SCP2: variants seen among roughly 807,000 people sequenced by gnomAD.
SCP2 encodes sterol carrier protein 2.
SCP2 carries 48 observed loss-of-function variants against 71.4 expected under a neutral mutation model. The ratio of observed to expected loss-of-function variants is 0.67; its 90% CI spans 0.53 to 0.86. The LOEUF is 0.86. Among genes scored for constraint, SCP2 ranks in the 40% least tolerant of loss-of-function variants. The pLI is 0.00. For missense variants in SCP2, 560 were observed against 655.6 expected, an observed-to-expected ratio of 0.85 and a Z score of 1.59; for synonymous variants, 220 against 218.1, an observed-to-expected ratio of 1.01 and a Z score of -0.08.
chr1:52,960,602 G>GTATGTATA (rs752856097), intron 5 of SCP2, among the ~76,000 whole-genome samples: 1 of 141,482 alleles, frequency 7.1e-6, no homozygotes, highest in Non-Finnish European at 1.5e-5. Flanking sequence ...ATGTATATAT[G>GTATGTATA]TATGTATATA....
intron 14 of SCP2, among the ~76,000 whole-genome samples, chr1:53,039,914 A>G (rs1158531278): frequency 6.6e-6 from 1 of 152,224 alleles, no homozygotes; most frequent in East Asian, 1.9e-4. Flanking sequence ...AACGTGTGAA[A>G]CTGAACTACA....
chr1:52,989,065 A>C (rs921859839), intron 11 of SCP2, among the ~76,000 whole-genome samples: 2 of 152,218 alleles, frequency 1.3e-5, no homozygotes, highest in African/African-American at 4.8e-5. Context: ...TAAGATTTTT[A>C]CAGCTGCCTA....
intron 1 of SCP2, among the ~76,000 whole-genome samples, chr1:52,930,933 G>C (rs1653093956): frequency 6.6e-6 from 1 of 151,920 alleles, no homozygotes; most frequent in Non-Finnish European, 1.5e-5. Flanking sequence ...TGCTAGAGAT[G>C]CAAAAATGAA....
At chr1:52,973,091 C>T (rs1484393638) in intron 6 of SCP2, among the ~76,000 whole-genome samples, 5 of 152,214 alleles carry the variant, frequency 3.3e-5, no homozygotes, top group Non-Finnish European at 7.3e-5. Context: ...TTCTTACTCA[C>T]TTTGTAATAG....
intron 1 of SCP2, among the ~76,000 whole-genome samples, chr1:52,934,670 T>C (rs2150099579): frequency 7.8e-6 from 1 of 128,108 alleles, no homozygotes; most frequent in South Asian, 2.8e-4. Context: ...TGGAGTGCAG[T>C]GGTGCGATCT....
chr1:52,988,574 C>A (rs1659194918), intron 11 of SCP2, among the ~76,000 whole-genome samples: 1 of 151,716 alleles, frequency 6.6e-6, no homozygotes, highest in African/African-American at 2.4e-5. Flanking sequence ...ATCACTTTAA[C>A]TTTTAATTCC....
At chr1:52,974,630 C>CTG in intron 6 of SCP2, 139 bp from the exon 7 acceptor site, 1 of 701,520 alleles carries the variant, frequency 1.4e-6, no homozygotes, top group Non-Finnish European at 2.7e-6. Context: ...GGGAACAGTG[C>CTG]TGAAGTCTTT....
chr1:53,047,765 T>C lies in SCP2; in HGVS notation c.1469-93T>C, dbSNP rs1288362. On this transcript the variant is annotated intron_variant, in intron 14 of 15. Transcript: ENST00000371514. Reference sequence around the variant, plus strand: ...CCCCACACTGCCTCAGTGCTGGTTATAATTCTGTTGCAGTCAGTGGCTCTT... The same window carrying C: ...CCCCACACTGCCTCAGTGCTGGTTACAATTCTGTTGCAGTCAGTGGCTCTT... 0.4 allele frequency: 335,958 copies of C among 847,192 alleles called. 71,600 individuals are homozygous for C. The highest frequency in any genetic ancestry group is 0.45 in the Non-Finnish European group (221,052 of 489,992). The allele number at this position is 847,192 out of a possible 1,614,324, so 52.5% of individuals were successfully genotyped here.
chr1:53,049,893 T>TA (rs909708503), intron 15 of SCP2: 2 of 152,234 alleles, frequency 1.3e-5, no homozygotes, highest in Non-Finnish European at 2.9e-5. Flanking sequence ...GCTTTTTTTT[T>TA]AAATCTAGCC....
chr1:53,037,879 T>TACACAC (rs34293671), intron 13 of SCP2, among the ~76,000 whole-genome samples: 2,323 of 84,536 alleles, frequency 0.027, 56 homozygotes, highest in Non-Finnish European at 0.035. Flanking sequence ...TGTCTCTACA[T>TACACAC]ACACACACAC....
At position 52,980,544 on chromosome 1, in the gene SCP2, G is replaced by A. The variant is rs764240911; in HGVS notation, c.973+1G>A. The A allele has an allele frequency of 6.2e-7, 1 of 1,613,448 alleles. No homozygotes were observed. Among genetic ancestry groups the A allele is most frequent in the Non-Finnish European group, 8.5e-7 (1 of 1,179,414 alleles). ...GAAGCACTGGGACTCTGTCCAGAAGGTAACATCTTTGAATAGGGCAGATTA... is the reference window on the plus strand; with the variant it reads ...GAAGCACTGGGACTCTGTCCAGAAGATAACATCTTTGAATAGGGCAGATTA... On this transcript the variant is annotated splice_donor_variant, in intron 10 of 15. Transcript: ENST00000371514. LOFTEE classifies it high-confidence loss of function.
At chr1:52,977,728 A>T (rs752099100) in intron 8 of SCP2, among the ~76,000 whole-genome samples, 54 of 152,192 alleles carry the variant, frequency 3.5e-4, no homozygotes, top group Non-Finnish European at 4.7e-4. Flanking sequence ...TGGAAGGCCG[A>T]GGCGGGCGGA....
chr1:52,988,180 C>G (rs1659165402), intron 11 of SCP2, 44 bp downstream of exon 11: 2 of 1,014,776 alleles, frequency 2.0e-6, no homozygotes, highest in Non-Finnish European at 3.1e-6. Context: ...ATCATTTTTT[C>G]CTTAAGTGTG....
rs374165089 is a variant in SCP2, at chr1:52,976,356, A to C, written c.588-327A>C. ...TCACATGGTTGGTCTTTTGGTGGTC[A>C]GTCTCCCATTTTCAAGATAACAAGG... On this transcript the variant is annotated intron_variant, in intron 7 of 15. Coordinates refer to ENST00000371514, the MANE Select transcript of SCP2 (RefSeq NM_002979.5). Among the ~76,000 whole-genome samples the C allele has an allele frequency of 1.6e-4, 24 of 152,268 alleles. No individual in the cohort carries two copies. In the South Asian group the frequency reaches 3.7e-3, roughly 24 times the overall value.
intron 2 of SCP2, among the ~76,000 whole-genome samples, chr1:52,945,702 C>CA (rs932975445): frequency 2.1e-4 from 30 of 142,362 alleles, no homozygotes; most frequent in African/African-American, 5.3e-4. Flanking sequence ...GGCTGTGTCT[C>CA]AAAAAAAAAA....
chr1:53,039,047 G>T lies in SCP2; in HGVS notation c.1468+1G>T. On this transcript the variant is annotated splice_donor_variant, in intron 14 of 15. Transcript: ENST00000371514. LOFTEE classifies it high-confidence loss of function. ...AAAGGATCAGTGCTTCCTAACTCAGGTTAGTTTGGGAATGACTTCATTCTA... is the reference window on the plus strand; with the variant it reads ...AAAGGATCAGTGCTTCCTAACTCAGTTTAGTTTGGGAATGACTTCATTCTA... 6.2e-7 allele frequency: 1 copy of T among 1,614,178 alleles called. No individual in the cohort carries two copies. Among genetic ancestry groups the T allele is most frequent in the Non-Finnish European group, 8.5e-7 (1 of 1,180,014 alleles).
rs758083858 is a variant in SCP2, at chr1:52,974,816, C to T, written c.571C>T (p.His191Tyr). The part of the protein sequence containing the change: ...FAKIGWKNHK[H>Y]SVNNPYSQFQ... ...AAAAATTGGATGGAAAAATCATAAA[C>T]ATTCAGTTAATAACCCGTAAGTATT... Residue 191 changes from histidine (H) to tyrosine (Y), a missense_variant, in exon 7 of 16, where the codon CAT (histidine) becomes TAT (tyrosine). Physicochemically the swap from His to Tyr is moderately conservative, Grantham distance 83. Around this residue, in one of 3 missense-constraint regions of SCP2, gnomAD observed 513 missense variants for 573.1 expected, o/e 0.90. Coordinates refer to ENST00000371514, the MANE Select transcript of SCP2 (RefSeq NM_002979.5). The T allele has an allele frequency of 1.9e-5, 29 of 1,521,352 alleles. No individual in the cohort carries two copies. Among genetic ancestry groups the T allele is most frequent in the Non-Finnish European group, 2.5e-5 (27 of 1,095,776 alleles). The allele number at this position is 1,521,352 out of a possible 1,614,324, so 94.2% of individuals were successfully genotyped here.
Position 52,962,436 on chromosome 1 carries a change from T to G in SCP2, c.523+807T>G, listed in dbSNP as rs367689179. Among the ~76,000 whole-genome samples, 41 of 152,230 alleles carry G rather than the reference T, an allele frequency of 2.7e-4. 1 individual carries two copies. The highest frequency in any genetic ancestry group is 8.4e-4 in the African/African-American group (35 of 41,560). On this transcript the variant is annotated intron_variant, in intron 6 of 15. Transcript: ENST00000371514. ...GCACCTCCAGAGTCAATTCTCTACT[T>G]TATAGCCAGAGCCATGCTTTTAAAA...
chr1:53,038,819 G>A (rs1215305445), intron 13 of SCP2, 98 bp from the exon 14 acceptor site: 61 of 1,485,036 alleles, frequency 4.1e-5, no homozygotes, highest in African/African-American at 1.1e-4. Flanking sequence ...TCCCTGGCCC[G>A]TATACTCATA....
Sources: allele counts gnomAD v4.1 joint callset (sites outside exome capture counted in the v4.1 genomes callset), GRCh38; gene constraint gnomAD v4.1.1; regional missense constraint gnomAD v4.1.1; transcripts MANE v1.5; gene names NCBI Gene and HGNC (gene_info 2026-07-23, HGNC 2026-07-21).